Variants in RGS6 observed in about 807,000 individuals in gnomAD.
RGS6 encodes regulator of G-protein signaling 6.
RGS6 carries 30 observed loss-of-function variants against 78.5 expected under a neutral mutation model. The observed-to-expected ratio is 0.38, with a 90% CI of 0.29 to 0.52. The LOEUF (loss-of-function observed/expected upper bound fraction) is 0.52. Among genes scored for constraint, RGS6 ranks in the 20% least tolerant of loss-of-function variants. The probability of loss-of-function intolerance (pLI) is 0.85; values close to 1 mark genes in which losing one functional copy is unlikely to be tolerated. For missense variants in RGS6, 495 were observed against 609.7 expected (o/e 0.81, Z 1.98); for synonymous variants, 206 against 206.0 (o/e 1.00, Z 0.00).
In RGS6 at chr14:72,458,358, G is replaced by A. The variant is rs1178174066; in HGVS notation, c.323G>A (p.Gly108Asp). 6.2e-7 allele frequency: 1 copy of A among 1,613,906 alleles called. No homozygotes were observed. Among genetic ancestry groups the A allele is most frequent in the Non-Finnish European group, 8.5e-7 (1 of 1,179,848 alleles). The change falls in exon 5 of 18, where the codon GGC becomes GAC. Residue 108 changes from glycine (G) to aspartate (D), a missense_variant. Transcript: ENST00000553525. ...SDHVLTMKDD[G>D]TFYRFQAPYF... ...CATGTTCTCACCATGAAGGATGATG[G>A]CACCTTTTATCGTTTCCAGGTAAGC...
the RGS6 span, among the ~76,000 whole-genome samples, chr14:72,611,452 C>T: frequency 4.6e-5 from 7 of 152,208 alleles, no homozygotes; most frequent in Non-Finnish European, 8.8e-5. Flanking sequence ...CAGATACAGG[C>T]GTGGGGCAGC....
chr14:72,450,026 A>G (rs1351938032), intron 3 of RGS6, among the ~76,000 whole-genome samples: 1 of 152,226 alleles, frequency 6.6e-6, no homozygotes, highest in African/African-American at 2.4e-5. Flanking sequence ...AAAGTATTAT[A>G]TGAATGTTCT....
intron 2 of RGS6, among the ~76,000 whole-genome samples, chr14:72,098,915 C>G (rs1227830478): frequency 6.6e-6 from 1 of 152,192 alleles, no homozygotes; most frequent in Admixed American, 6.5e-5. Flanking sequence ...ACAAACAAAC[C>G]TGGTATACAA....
chr14:72,256,493 GCAAGCTAGGGGA>G (rs2057111042), intron 2 of RGS6, among the ~76,000 whole-genome samples: 1 of 152,202 alleles, frequency 6.6e-6, no homozygotes, highest in Non-Finnish European at 1.5e-5. Context: ...TTATAGAAAA[GCAAGCTAGGGGA>G]CAATGGTTGG....
chr14:72,618,437 G>A, the RGS6 span, among the ~76,000 whole-genome samples: 1 of 152,180 alleles, frequency 6.6e-6, no homozygotes. Context: ...TCCAGAACCA[G>A]GTGGGCTGAG....
chr14:72,174,688 TAGGAGCCTCCCAAC>T (rs1567381158), intron 2 of RGS6, among the ~76,000 whole-genome samples: 1 of 152,110 alleles, frequency 6.6e-6, no homozygotes, highest in African/African-American at 2.4e-5. Context: ...TCCTGCAAGC[TAGGAGCCTCCCAAC>T]TACCCACAGA....
chr14:72,120,612 T>C (rs1271845736), intron 2 of RGS6, among the ~76,000 whole-genome samples: 5 of 152,226 alleles, frequency 3.3e-5, no homozygotes, highest in African/African-American at 9.6e-5. Context: ...GTTGTGTTCA[T>C]ACAGTGGAAT....
chr14:72,188,483 A>G (rs1388087202), intron 2 of RGS6, among the ~76,000 whole-genome samples: 1 of 5,878 alleles, frequency 1.7e-4, no homozygotes, highest in Non-Finnish European at 5.3e-4. Context: ...AGCAGTTATC[A>G]TCATCATCAT....
chr14:71,897,460 C>T, the RGS6 span, among the ~76,000 whole-genome samples: 1 of 152,158 alleles, frequency 6.6e-6, no homozygotes, highest in Non-Finnish European at 1.5e-5. Context: ...GATAGAGTGA[C>T]ACCTGCTGCT....
the RGS6 span, among the ~76,000 whole-genome samples, chr14:72,588,403 T>A: frequency 1.3e-5 from 2 of 152,194 alleles, no homozygotes; most frequent in African/African-American, 4.8e-5. Context: ...GGACTCATTG[T>A]AAGAGTATGA....
At chr14:71,917,043 A>G in the RGS6 span, among the ~76,000 whole-genome samples, 611 of 152,326 alleles carry the variant, frequency 4.0e-3, 6 homozygotes, top group African/African-American at 0.014. Context: ...TGAGATTCAG[A>G]AACAGGATGC....
chr14:71,898,927 G>A, the RGS6 span, among the ~76,000 whole-genome samples: 1 of 152,144 alleles, frequency 6.6e-6, no homozygotes, highest in Admixed American at 6.6e-5. Flanking sequence ...TTATAAGTTA[G>A]AATATATTTA....
At chr14:71,941,073 GA>G (rs1300604214) in intron 1 of RGS6, among the ~76,000 whole-genome samples, 4 of 152,152 alleles carry the variant, frequency 2.6e-5, no homozygotes, top group African/African-American at 9.7e-5. Flanking sequence ...ATCTGCTTCT[GA>G]AGCTGGGAGA....
chr14:71,987,171 C>G (rs2094750044), intron 2 of RGS6, among the ~76,000 whole-genome samples: 1 of 152,116 alleles, frequency 6.6e-6, no homozygotes, highest in Non-Finnish European at 1.5e-5. Flanking sequence ...GAATTTTTGT[C>G]TTTTTCATAG....
chr14:72,394,309 A>G (rs1477063523), intron 3 of RGS6, among the ~76,000 whole-genome samples: 1 of 152,100 alleles, frequency 6.6e-6, no homozygotes, highest in Admixed American at 6.6e-5. Flanking sequence ...GGAGTGTACA[A>G]ATATGGTGTG....
intron 2 of RGS6, among the ~76,000 whole-genome samples, chr14:72,062,354 G>A (rs1009737547): frequency 1.3e-5 from 2 of 152,196 alleles, no homozygotes; most frequent in Non-Finnish European, 1.5e-5. Context: ...GTGGTCAAGA[G>A]CCACAGAACC....
At chr14:72,561,325 G>T (rs1293077299) in intron 17 of RGS6, among the ~76,000 whole-genome samples, 1 of 152,170 alleles carries the variant, frequency 6.6e-6, no homozygotes, top group Non-Finnish European at 1.5e-5. Context: ...GCTATCACGT[G>T]CTGCCCTTCA....
At chr14:72,240,961 A>T (rs975752727) in intron 2 of RGS6, among the ~76,000 whole-genome samples, 4 of 152,110 alleles carry the variant, frequency 2.6e-5, no homozygotes, top group African/African-American at 9.7e-5. Flanking sequence ...GATTGAGACC[A>T]TCTTGGCCAA....
At chr14:71,884,883 C>G in the RGS6 span, among the ~76,000 whole-genome samples, 1 of 152,144 alleles carries the variant, frequency 6.6e-6, no homozygotes, top group East Asian at 1.9e-4. Flanking sequence ...TAAGGAGGCC[C>G]TTTCGTTCCC....
Sources: allele counts gnomAD v4.1 joint callset (sites outside exome capture counted in the v4.1 genomes callset), GRCh38; gene constraint gnomAD v4.1.1; transcripts MANE v1.5; gene names NCBI Gene and HGNC (gene_info 2026-07-23, HGNC 2026-07-21).